LINGO2: variants seen among roughly 807,000 people sequenced by gnomAD.
LINGO2 encodes leucine rich repeat and Ig domain containing 2.
A neutral mutation model predicts 30.6 loss-of-function variants in LINGO2; 14 were observed. The ratio of observed to expected loss-of-function variants is 0.46; its 90% CI spans 0.30 to 0.72. The LOEUF (loss-of-function observed/expected upper bound fraction) is 0.72, where lower values mean the gene tolerates loss of function less well. Ranked by LOEUF, LINGO2 falls within the 30% of genes least tolerant of loss-of-function variation. The pLI is 0.07. For missense variants in LINGO2, 729 were observed against 751.7 expected (o/e 0.97, Z 0.35); for synonymous variants, 317 against 288.5 (o/e 1.10, Z -1.00).
chr9:28,213,556 G>T (rs1820666465), intron 4 of LINGO2, among the ~76,000 whole-genome samples: 1 of 151,198 alleles, frequency 6.6e-6, no homozygotes, highest in Admixed American at 6.6e-5. Flanking sequence ...ATTTTTCCTG[G>T]ATCCTTTTTT....
At chr9:28,099,481 C>A (rs1210553543) in intron 4 of LINGO2, among the ~76,000 whole-genome samples, 1 of 152,054 alleles carries the variant, frequency 6.6e-6, no homozygotes, top group East Asian at 1.9e-4. Context: ...TTTTTTCCTA[C>A]ATAGAATCAA....
chr9:28,351,352 T>A (rs1819877758), intron 3 of LINGO2, among the ~76,000 whole-genome samples: 1 of 146,412 alleles, frequency 6.8e-6, no homozygotes, highest in Non-Finnish European at 1.5e-5. Flanking sequence ...CAAACTACCA[T>A]CAGAGAATAC....
At chr9:28,796,663 G>C in the LINGO2 span, among the ~76,000 whole-genome samples, 3 of 151,932 alleles carry the variant, frequency 2.0e-5, no homozygotes, top group Non-Finnish European at 2.9e-5. Flanking sequence ...ATTGATAAGA[G>C]GGAGGACATG....
chr9:28,777,736 C>A, the LINGO2 span, among the ~76,000 whole-genome samples: 1 of 152,142 alleles, frequency 6.6e-6, no homozygotes, highest in Non-Finnish European at 1.5e-5. Context: ...GGGTAGGAGA[C>A]ATTATAAATT....
At chr9:28,996,409 A>G in the LINGO2 span, among the ~76,000 whole-genome samples, 1 of 152,300 alleles carries the variant, frequency 6.6e-6, no homozygotes, top group East Asian at 1.9e-4. Flanking sequence ...ACTACAGATC[A>G]GGAATCATAC....
the LINGO2 span, among the ~76,000 whole-genome samples, chr9:29,190,289 A>G: frequency 6.6e-6 from 1 of 152,300 alleles, no homozygotes; most frequent in East Asian, 1.9e-4. Context: ...AAAATATATG[A>G]TTATAATAAT....
the LINGO2 span, among the ~76,000 whole-genome samples, chr9:28,913,668 C>T: frequency 2.0e-5 from 3 of 152,048 alleles, no homozygotes; most frequent in African/African-American, 7.2e-5. Flanking sequence ...GTCCTTACAT[C>T]CCATATTTCC....
intron 4 of LINGO2, among the ~76,000 whole-genome samples, chr9:28,128,319 A>T (rs1318134069): frequency 6.6e-6 from 1 of 152,188 alleles, no homozygotes; most frequent in East Asian, 1.9e-4. Flanking sequence ...GGGTGAGGAA[A>T]ATGTAACTAG....
At chr9:28,646,739 C>G (rs1827860156) in intron 1 of LINGO2, among the ~76,000 whole-genome samples, 1 of 152,000 alleles carries the variant, frequency 6.6e-6, no homozygotes, top group Non-Finnish European at 1.5e-5. Context: ...TATTATTCCA[C>G]AATTATTATA....
chr9:29,028,782 G>T, the LINGO2 span, among the ~76,000 whole-genome samples: 1 of 152,110 alleles, frequency 6.6e-6, no homozygotes, highest in African/African-American at 2.4e-5. Flanking sequence ...TATTCAATAG[G>T]TAGACATGGG....
intron 3 of LINGO2, among the ~76,000 whole-genome samples, chr9:28,359,198 G>C (rs1327984503): frequency 6.6e-6 from 1 of 152,042 alleles, no homozygotes; most frequent in Non-Finnish European, 1.5e-5. Context: ...TGCAATGTAG[G>C]GGAGAACTGA....
At chr9:29,011,370 A>G in the LINGO2 span, among the ~76,000 whole-genome samples, 1 of 149,136 alleles carries the variant, frequency 6.7e-6, no homozygotes, top group Non-Finnish European at 1.5e-5. Flanking sequence ...CACATTCACC[A>G]CTGTTCCCAG....
the LINGO2 span, among the ~76,000 whole-genome samples, chr9:28,790,421 C>T: frequency 1.3e-5 from 2 of 150,128 alleles, no homozygotes; most frequent in Non-Finnish European, 3.0e-5. Flanking sequence ...CTCCGCCTCC[C>T]GGGTTCACGC....
intron 4 of LINGO2, among the ~76,000 whole-genome samples, chr9:28,084,107 T>C (rs1397813849): frequency 6.6e-6 from 1 of 152,160 alleles, no homozygotes; most frequent in Non-Finnish European, 1.5e-5. Flanking sequence ...GTGCATTCTA[T>C]AAAGCAATGG....
rs564740692 is a variant in LINGO2, at chr9:28,272,285, C to A, written c.-87+22923G>T. ...TACGCCAAAAATACTTCAGGGGCCTCCCTTTGCACTTAGCATAAAATCAAG... is the reference window on the plus strand; with the variant it reads ...TACGCCAAAAATACTTCAGGGGCCTACCTTTGCACTTAGCATAAAATCAAG... On this transcript the variant is annotated intron_variant, in intron 4 of 5. Coordinates refer to ENST00000379992, the Ensembl canonical transcript of LINGO2. Among the ~76,000 whole-genome samples the A allele has an allele frequency of 1.1e-4, 17 of 152,198 alleles. No individual in the cohort carries two copies. The South Asian group carries it at 3.3e-3, about 30-fold the overall frequency.
At chr9:28,156,735 G>T (rs1364570058) in intron 4 of LINGO2, among the ~76,000 whole-genome samples, 1 of 152,330 alleles carries the variant, frequency 6.6e-6, no homozygotes, top group African/African-American at 2.4e-5. Context: ...TAAAGGTATT[G>T]GTTAAATACA....
the LINGO2 span, among the ~76,000 whole-genome samples, chr9:28,933,025 G>C: frequency 2.2e-4 from 34 of 152,100 alleles, no homozygotes; most frequent in South Asian, 5.8e-3. Flanking sequence ...TTGTGTCTCA[G>C]CCTCCTGAGT....
chr9:28,745,513 A>C, the LINGO2 span, among the ~76,000 whole-genome samples: 1 of 152,044 alleles, frequency 6.6e-6, no homozygotes, highest in Non-Finnish European at 1.5e-5. Flanking sequence ...TTACATGTGC[A>C]GTTTGTTCTT....
chr9:27,988,900 T>G (rs1230393144), intron 5 of LINGO2, among the ~76,000 whole-genome samples: 1 of 148,852 alleles, frequency 6.7e-6, no homozygotes, highest in African/African-American at 2.4e-5. Flanking sequence ...TCACTTCATC[T>G]TAAAAAAGAA....
Sources: gnomAD v4.1 joint callset for allele counts (sites outside exome capture counted in the v4.1 genomes callset) on GRCh38, gnomAD v4.1.1 for gene constraint, MANE v1.5 for transcripts, NCBI Gene and HGNC (gene_info 2026-07-23, HGNC 2026-07-21) for gene names.